The following CDK14 variants were observed in gnomAD, a reference collection of about 807,000 sequenced individuals.
CDK14 encodes the protein cyclin dependent kinase 14, also known as cyclin-dependent kinase 14.
Under a neutral mutation model 60.7 loss-of-function variants are expected in CDK14, and 34 were observed. The observed-to-expected ratio is 0.56, with a 90% CI of 0.43 to 0.75. CDK14 has a LOEUF of 0.75. CDK14 is among the 30% of genes least tolerant of loss of function. The pLI is 0.00. For missense variants in CDK14, 482 were observed against 564.1 expected (o/e 0.85, Z 1.47); for synonymous variants, 197 against 203.7 (o/e 0.97, Z 0.28).
chr7:90,865,983 G>T (rs1791166151), intron 6 of CDK14, among the ~76,000 whole-genome samples: 1 of 152,044 alleles, frequency 6.6e-6, no homozygotes, highest in Non-Finnish European at 1.5e-5. Flanking sequence ...AAGAGGAAAA[G>T]AAAACTTTCT....
At chr7:91,045,627 T>C (rs1797210423) in intron 10 of CDK14, among the ~76,000 whole-genome samples, 1 of 152,204 alleles carries the variant, frequency 6.6e-6, no homozygotes, top group Non-Finnish European at 1.5e-5. Context: ...GTTTGATTCC[T>C]TAGCCTACTT....
At chr7:91,170,528 C>T (rs1801482722) in intron 14 of CDK14, among the ~76,000 whole-genome samples, 1 of 152,110 alleles carries the variant, frequency 6.6e-6, no homozygotes, top group Admixed American at 6.5e-5. Flanking sequence ...TGATATTTGA[C>T]ACCTTGGTAC....
intron 8 of CDK14, among the ~76,000 whole-genome samples, chr7:90,942,219 C>T (rs1344434469): frequency 1.3e-5 from 2 of 152,100 alleles, no homozygotes; most frequent in East Asian, 1.9e-4. Context: ...CCTAGGCTTG[C>T]TACCTGGAAT....
At chr7:90,698,125 TA>T (rs1414817439) in intron 2 of CDK14, among the ~76,000 whole-genome samples, 1 of 149,512 alleles carries the variant, frequency 6.7e-6, no homozygotes, top group African/African-American at 2.5e-5. Flanking sequence ...GTATGTCAAT[TA>T]AAAAAAGTAC....
intron 6 of CDK14, among the ~76,000 whole-genome samples, chr7:90,875,563 C>G (rs944205206): frequency 4.0e-5 from 6 of 151,810 alleles, no homozygotes; most frequent in Non-Finnish European, 8.8e-5. Flanking sequence ...TTAGTTGTAT[C>G]TGATAGTGAG....
intron 6 of CDK14, among the ~76,000 whole-genome samples, chr7:90,894,945 A>AT (rs1792248138): frequency 6.6e-6 from 1 of 152,050 alleles, no homozygotes; most frequent in African/African-American, 2.4e-5. Context: ...TACTGTTATT[A>AT]TTTTTAGAAT....
chr7:91,059,585 A>G (rs1797712167), intron 11 of CDK14, among the ~76,000 whole-genome samples: 1 of 152,104 alleles, frequency 6.6e-6, no homozygotes, highest in South Asian at 2.1e-4. Context: ...AATGTGTCCC[A>G]GAGATTCTGG....
chr7:90,944,079 G>A (rs949008077), intron 8 of CDK14, among the ~76,000 whole-genome samples: 1 of 152,092 alleles, frequency 6.6e-6, no homozygotes, highest in African/African-American at 2.4e-5. Context: ...CCTTTTGTAC[G>A]TGCACACTTC....
At chr7:90,996,681 A>G (rs1006825029) in intron 10 of CDK14, among the ~76,000 whole-genome samples, 1 of 152,218 alleles carries the variant, frequency 6.6e-6, no homozygotes, top group African/African-American at 2.4e-5. Context: ...TGGCTTTCAT[A>G]TTCTTACTAA....
intron 6 of CDK14, among the ~76,000 whole-genome samples, chr7:90,866,837 AGTG>A (rs1196707251): frequency 6.6e-6 from 1 of 152,166 alleles, no homozygotes; most frequent in Non-Finnish European, 1.5e-5. Flanking sequence ...TCATTATTAA[AGTG>A]GTTTAGCGGC....
chr7:90,974,942 A>G (rs983928841), intron 9 of CDK14, among the ~76,000 whole-genome samples: 11 of 152,204 alleles, frequency 7.2e-5, no homozygotes, highest in Admixed American at 6.5e-5. Flanking sequence ...TAATGTTGCC[A>G]TATCGCCATA....
intron 4 of CDK14, among the ~76,000 whole-genome samples, chr7:90,763,621 A>G (rs1027154061): frequency 6.6e-6 from 1 of 151,282 alleles, no homozygotes; most frequent in African/African-American, 2.4e-5. Flanking sequence ...CCTTGAGAAC[A>G]ATAAAGACAC....
intron 12 of CDK14, among the ~76,000 whole-genome samples, chr7:91,084,128 A>G (rs3808302): frequency 6.6e-6 from 1 of 152,248 alleles, no homozygotes; most frequent in African/African-American, 2.4e-5. Context: ...GATCAGCACA[A>G]TTGAAAATAA....
intron 14 of CDK14, among the ~76,000 whole-genome samples, chr7:91,181,368 A>G (rs1009506016): frequency 6.6e-6 from 1 of 152,066 alleles, no homozygotes; most frequent in African/African-American, 2.4e-5. Context: ...CATATTTTCT[A>G]CAAATTGGTA....
intron 6 of CDK14, among the ~76,000 whole-genome samples, chr7:90,875,715 T>C (rs1361847925): frequency 1.3e-5 from 2 of 152,104 alleles, no homozygotes; most frequent in African/African-American, 4.8e-5. Context: ...ATTTGAATGT[T>C]GGACCTCCTG....
chr7:90,895,364 T>TCCTCCCCTCCCCTCCCCTCCCCTCC (rs1562817550), intron 6 of CDK14, among the ~76,000 whole-genome samples: 3 of 7,472 alleles, frequency 4.0e-4, no homozygotes, highest in African/African-American at 1.3e-3. Context: ...TCCTCACCTC[T>TCCTCCCCTCCCCTCCCCTCCCCTCC]CCTCCCCTCC....
chr7:90,759,385 C>T (rs1292223005), intron 4 of CDK14, among the ~76,000 whole-genome samples: 2 of 152,134 alleles, frequency 1.3e-5, no homozygotes, highest in African/African-American at 4.8e-5. Context: ...TAAACAGATT[C>T]ACTTTGATTA....
chr7:90,965,189 G>A (rs1794715280), intron 9 of CDK14, among the ~76,000 whole-genome samples: 1 of 152,078 alleles, frequency 6.6e-6, no homozygotes, highest in African/African-American at 2.4e-5. Context: ...TCTGCATGGT[G>A]TTGTAGGTCC....
chr7:90,665,883 T>C (rs1800968704), intron 2 of CDK14, among the ~76,000 whole-genome samples: 1 of 152,222 alleles, frequency 6.6e-6, no homozygotes, highest in African/African-American at 2.4e-5. Context: ...GACACAGGAC[T>C]TATCTCGATA....
Sources: allele counts gnomAD v4.1 joint callset (sites outside exome capture counted in the v4.1 genomes callset), GRCh38; gene constraint gnomAD v4.1.1; transcripts MANE v1.5; gene names NCBI Gene and HGNC (gene_info 2026-07-23, HGNC 2026-07-21).